TBC1D14: variants seen among roughly 807,000 people sequenced by gnomAD.
TBC1D14 encodes TBC1 domain family member 14, also known as TBC1 domain family, member 14.
In TBC1D14, 26 loss-of-function variants were observed where a neutral mutation model predicts 79.0. The observed-to-expected ratio is 0.33, with a 90% CI of 0.24 to 0.46. The LOEUF (loss-of-function observed/expected upper bound fraction) is 0.46, where lower values mean the gene tolerates loss of function less well. Ranked by LOEUF, TBC1D14 falls within the 20% of genes least tolerant of loss-of-function variation. TBC1D14 has a pLI of 1.00. For missense variants in TBC1D14, 769 were observed against 887.6 expected, an observed-to-expected ratio of 0.87 and a Z score of 1.70; for synonymous variants, 394 against 349.9, an observed-to-expected ratio of 1.13 and a Z score of -1.40.
chr4:6,950,577 TACCTTTATTAGA>T (rs1713943456), intron 2 of TBC1D14, among the ~76,000 whole-genome samples: 1 of 35,994 alleles, frequency 2.8e-5, no homozygotes, highest in Non-Finnish European at 6.0e-5. Context: ...CTTTATTAGA[TACCTTTATTAGA>T]TAAGGAAGTC....
chr4:6,961,899 G>A (rs1715237489), intron 2 of TBC1D14, among the ~76,000 whole-genome samples: 1 of 152,188 alleles, frequency 6.6e-6, no homozygotes, highest in African/African-American at 2.4e-5. Context: ...GAAGACCAGA[G>A]GGTTTAGAGC....
intron 12 of TBC1D14, among the ~76,000 whole-genome samples, chr4:7,015,517 G>A (rs1256940187): frequency 6.6e-6 from 1 of 152,174 alleles, no homozygotes; most frequent in Non-Finnish European, 1.5e-5. Flanking sequence ...CAGATACAAG[G>A]ATCCTGAGAG....
At position 7,030,354 on chromosome 4, in the gene TBC1D14, C is replaced by T. The variant is rs780573851; in HGVS notation, c.2044C>T (p.Arg682Trp). ...QVLTALQKDS[R>W]EMEKGSPSLR... is the part of the protein sequence containing the mutation. ...ACTGACTGCATTGCAGAAAGACAGC[C>T]GGGAAATGGAGAAGGGAAGTCCGTC... The change falls in exon 14 of 14, where the codon CGG (arginine) becomes TGG (tryptophan). Residue 682 changes from arginine to tryptophan, a missense_variant. Around this residue, in one of 2 missense-constraint regions of TBC1D14, gnomAD observed 367 missense variants for 494.4 expected, o/e 0.74. Transcript: ENST00000409757. 13 of 1,613,836 alleles carry T rather than the reference C, an allele frequency of 8.1e-6. No homozygotes were observed. The highest frequency in any genetic ancestry group is 2.2e-5 in the East Asian group (1 of 44,886).
chr4:7,008,787 C>T (rs561561107), intron 9 of TBC1D14, among the ~76,000 whole-genome samples: 4 of 152,336 alleles, frequency 2.6e-5, no homozygotes, highest in East Asian at 3.9e-4. Context: ...GAAATTACAA[C>T]GGTAGAAAAC....
At chr4:6,945,097 T>C (rs1400818800) in intron 2 of TBC1D14, among the ~76,000 whole-genome samples, 2 of 151,898 alleles carry the variant, frequency 1.3e-5, no homozygotes, top group African/African-American at 4.8e-5. Context: ...GGTGTGAGAG[T>C]GGGAGGTTTG....
Position 7,031,046 on chromosome 4 carries a change from G to A in TBC1D14, c.*654G>A, listed in dbSNP as rs1006211458. 1 of 152,462 alleles carries A rather than the reference G, an allele frequency of 6.6e-6. No individual in the cohort carries two copies. The highest frequency in any genetic ancestry group is 2.4e-5 in the African/African-American group (1 of 41,462). 9.4% of individuals were successfully genotyped at this position (152,462 alleles called of 1,614,324 possible). On this transcript the variant is annotated 3_prime_UTR_variant, in exon 14 of 14. Coordinates refer to ENST00000409757, the MANE Select transcript of TBC1D14 (RefSeq NM_020773.3). ...GCTGCAGGTGCACACGTGGGCTCCA[G>A]TGGGACTGCGCTCTGGGAGACTGCT...
intron 2 of TBC1D14, among the ~76,000 whole-genome samples, chr4:6,941,283 T>C (rs1712880261): frequency 6.6e-6 from 1 of 151,066 alleles, no homozygotes; most frequent in African/African-American, 2.4e-5. Flanking sequence ...CCTCCCAGGT[T>C]CTCGCGATTC....
chr4:6,926,779 G>A (rs1724330044), intron 2 of TBC1D14, among the ~76,000 whole-genome samples: 1 of 152,182 alleles, frequency 6.6e-6, no homozygotes, highest in South Asian at 2.1e-4. Context: ...CATCAATTCA[G>A]CCCAGGGCCT....
intron 7 of TBC1D14, 105 bp downstream of exon 7, chr4:7,001,356 G>A (rs943274172): frequency 2.1e-6 from 2 of 966,616 alleles, no homozygotes; most frequent in Non-Finnish European, 3.2e-6. Flanking sequence ...ACGAATCTGT[G>A]TCTTTTGAGA....
Position 7,010,704 on chromosome 4 carries a change from G to A in TBC1D14, c.1570G>A (p.Ala524Thr), listed in dbSNP as rs772887550. 6.2e-7 allele frequency: 1 copy of A among 1,613,954 alleles called. No homozygotes were observed. Among genetic ancestry groups the A allele is most frequent in the East Asian group, 2.2e-5 (1 of 44,878 alleles). The change falls in exon 11 of 14, where the codon GCA (alanine) becomes ACA (threonine). Residue 524 changes from alanine (A) to threonine (T), a missense_variant. Physicochemically the swap from Ala to Thr is moderately conservative, Grantham distance 58. Coordinates refer to ENST00000409757, the MANE Select transcript of TBC1D14 (RefSeq NM_020773.3). ...AGTGTTGATCTTGAACTTAGATACT[G>A]CAGATGCCTTTATTGCCTTTTCTAA... ...AAVLILNLDT[A>T]DAFIAFSNLL...
chr4:6,915,825 A>G (rs1342944543), intron 1 of TBC1D14, among the ~76,000 whole-genome samples: 1 of 151,998 alleles, frequency 6.6e-6, no homozygotes, highest in Admixed American at 6.6e-5. Flanking sequence ...CCTTAGGATA[A>G]GAACCCAGGC....
intron 1 of TBC1D14, among the ~76,000 whole-genome samples, chr4:6,914,814 C>T (rs536236799): frequency 9.9e-5 from 15 of 152,130 alleles, no homozygotes; most frequent in East Asian, 1.9e-4. Flanking sequence ...CTGAGGCAGG[C>T]GATCACTTGA....
At chr4:6,929,467 G>T (rs1711535941) in intron 2 of TBC1D14, among the ~76,000 whole-genome samples, 1 of 152,108 alleles carries the variant, frequency 6.6e-6, no homozygotes, top group African/African-American at 2.4e-5. Flanking sequence ...GAAGTAACAG[G>T]GCTGAGATGC....
chr4:6,997,509 C>G (rs1320716610), intron 5 of TBC1D14, among the ~76,000 whole-genome samples: 1 of 152,054 alleles, frequency 6.6e-6, no homozygotes, highest in Non-Finnish European at 1.5e-5. Flanking sequence ...GCCTGTAGTC[C>G]CAGCTACTTG....
At chr4:7,006,491 C>T in intron 8 of TBC1D14, 141 bp from the exon 9 acceptor site, 1 of 601,530 alleles carries the variant, frequency 1.7e-6, no homozygotes. Context: ...TGAAGCTGCA[C>T]TCTGAGTCAA....
At chr4:6,995,896 G>A in intron 4 of TBC1D14, 1 of 165,976 alleles carries the variant, frequency 6.0e-6, no homozygotes, top group Non-Finnish European at 1.3e-5. Context: ...GAGTGCAGTG[G>A]CGCGATCTCA....
At chr4:6,989,598 C>T (rs1315790690) in intron 3 of TBC1D14, among the ~76,000 whole-genome samples, 6 of 152,192 alleles carry the variant, frequency 3.9e-5, no homozygotes, top group Non-Finnish European at 5.9e-5. Flanking sequence ...GTGTGGGAGC[C>T]TCTGCCTGCA....
chr4:6,947,087 G>T (rs533114628), intron 2 of TBC1D14, among the ~76,000 whole-genome samples: 4 of 152,154 alleles, frequency 2.6e-5, no homozygotes, highest in Non-Finnish European at 5.9e-5. Context: ...TTAGGCCGGC[G>T]CAGTGGCTCA....
At chr4:7,013,892 C>T (rs993551190) in intron 11 of TBC1D14, among the ~76,000 whole-genome samples, 3 of 152,082 alleles carry the variant, frequency 2.0e-5, no homozygotes, top group South Asian at 2.1e-4. Context: ...TACAGGCGCC[C>T]GCCACCACGC....
Sources: gnomAD v4.1 joint callset for allele counts (sites outside exome capture counted in the v4.1 genomes callset) on GRCh38, gnomAD v4.1.1 for gene constraint, gnomAD v4.1.1 regional missense constraint, MANE v1.5 for transcripts, NCBI Gene and HGNC (gene_info 2026-07-23, HGNC 2026-07-21) for gene names.